The following DEPDC1 variants were observed in gnomAD, a reference collection of about 807,000 sequenced individuals.
DEPDC1 encodes DEP domain-containing protein 1A.
Under a neutral mutation model 86.8 loss-of-function variants are expected in DEPDC1, and 66 were observed. The ratio of observed to expected loss-of-function variants is 0.76; its 90% CI spans 0.62 to 0.93. The LOEUF is 0.93. DEPDC1 is among the 40% of genes least tolerant of loss of function. The probability of loss-of-function intolerance (pLI) is 0.00; values close to 1 mark genes in which losing one functional copy is unlikely to be tolerated. For missense variants in DEPDC1, 792 were observed against 935.7 expected, an observed-to-expected ratio of 0.85 and a Z score of 2.00; for synonymous variants, 255 against 314.9, an observed-to-expected ratio of 0.81 and a Z score of 2.02.
chr1:68,491,782 T>C (rs1457240363), intron 2 of DEPDC1, among the ~76,000 whole-genome samples: 2 of 152,164 alleles, frequency 1.3e-5, no homozygotes, highest in African/African-American at 2.4e-5. Flanking sequence ...TCAATTTTTT[T>C]TTCTTCTCCA....
In DEPDC1 at chr1:68,494,626, A is replaced by G. The variant is rs767207689; in HGVS notation, c.118T>C (p.Tyr40His). ...TCTCCTGCTGTGAAACAATTGCCAT[A>G]TTTTTTAAAGTGTTGTCTGTGTTTT... The part of the protein sequence containing the change: ...LRKHRQHFKK[Y>H]GNCFTAGEAV... Residue 40 changes from tyrosine (Y) to histidine (H), a missense_variant, in exon 2 of 12, where the codon TAT becomes CAT. By Grantham distance (83) the Tyr-to-His change is moderately conservative (BLOSUM62 2). Transcript: ENST00000456315. 1 of 1,613,746 alleles carries G rather than the reference A, an allele frequency of 6.2e-7. No homozygotes were observed. Among genetic ancestry groups the G allele is most frequent in the South Asian group, 1.1e-5 (1 of 91,072 alleles).
At chr1:68,483,691 T>C (rs546462642) in intron 7 of DEPDC1, among the ~76,000 whole-genome samples, 44 of 151,954 alleles carry the variant, frequency 2.9e-4, no homozygotes, top group Admixed American at 4.6e-4. Flanking sequence ...AATAAACTAA[T>C]AGTCATAGTT....
chr1:68,483,951 CA>C lies in DEPDC1; in HGVS notation c.908del (p.Leu303TrpfsTer31). ...AAAATCAGTAAAATCTATACATACC[CA>C]AAATGTTTACAAATAATTCGTAATA... ...FEYYELFVNI[L>X]VVCGYITVSD... is the part of the protein sequence containing the mutation. On this transcript the variant is annotated frameshift_variant and splice_region_variant, in exon 7 of 12. Coordinates refer to ENST00000456315, the MANE Select transcript of DEPDC1 (RefSeq NM_001114120.3). LOFTEE classifies it high-confidence loss of function. The C allele has an allele frequency of 6.7e-7, 1 of 1,495,056 alleles. No homozygotes were observed. The highest frequency in any genetic ancestry group is 2.3e-5 in the Admixed American group (1 of 44,318). 92.6% of individuals were successfully genotyped at this position (1,495,056 alleles called of 1,614,324 possible).
Position 68,475,559 on chromosome 1 carries a change from A to C in DEPDC1, c.*1373T>G, listed in dbSNP as rs980084250. ...TTTTATAGAGAAACAGTATGAAATTACATTGAGAAATGAGAACAGTCATTA... is the reference window on the plus strand; with the variant it reads ...TTTTATAGAGAAACAGTATGAAATTCCATTGAGAAATGAGAACAGTCATTA... On this transcript the variant is annotated 3_prime_UTR_variant, in exon 12 of 12. Transcript: ENST00000456315. 4.0e-5 allele frequency: 6 copies of C among 151,730 alleles called. No homozygotes were observed. Among genetic ancestry groups the C allele is most frequent in the African/African-American group, 1.5e-4 (6 of 41,280 alleles). 9.4% of individuals were successfully genotyped at this position (151,730 alleles called of 1,614,324 possible).
rs1343574912 is a variant in DEPDC1, at chr1:68,474,727, G to C, written c.*2205C>G. The C allele has an allele frequency of 6.6e-6, 1 of 151,888 alleles. No homozygotes were observed. The highest frequency in any genetic ancestry group is 1.5e-5 in the Non-Finnish European group (1 of 67,900). The allele number at this position is 151,888 out of a possible 1,614,324, so 9.4% of individuals were successfully genotyped here. A position where few individuals can be genotyped will look rare whatever the true frequency, so the allele number is the denominator to read the frequency against. The stretch of plus-strand genomic sequence containing the variant: ...ACTTAAAGATCTTTATGTTAGAATG[G>C]AATCTATCCATGTTCCAGCTTAGGC... On this transcript the variant is annotated 3_prime_UTR_variant, in exon 12 of 12. Coordinates refer to ENST00000456315, the MANE Select transcript of DEPDC1 (RefSeq NM_001114120.3).
At position 68,479,302 on chromosome 1, in the gene DEPDC1, G is replaced by T; in HGVS notation, c.1954C>A (p.Arg652=). The change falls in exon 10 of 12, where the codon CGA becomes AGA. Residue 652 remains arginine (R), a synonymous_variant. Transcript: ENST00000456315. ...TRSLMIHTFS[R]CVLCCAEEVD... ...TCTTCAGCACAGCATAACACACATC[G>T]AGAAAAGGTATGTATCATCTAGAAA... 1 of 1,601,366 alleles carries T rather than the reference G, an allele frequency of 6.2e-7. No homozygotes were observed. The highest frequency in any genetic ancestry group is 1.1e-5 in the South Asian group (1 of 88,276).
At chr1:68,479,516 T>C (rs556973518) in intron 9 of DEPDC1, among the ~76,000 whole-genome samples, 196 bp from the exon 10 acceptor site, 1 of 152,092 alleles carries the variant, frequency 6.6e-6, no homozygotes, top group East Asian at 1.9e-4. Context: ...TTAAAGTTTT[T>C]CCATGGCTGA....
At chr1:68,491,013 C>A (rs1646225706) in intron 2 of DEPDC1, among the ~76,000 whole-genome samples, 1 of 152,104 alleles carries the variant, frequency 6.6e-6, no homozygotes, top group Non-Finnish European at 1.5e-5. Flanking sequence ...CACCTTCTTA[C>A]ACCATATACA....
Position 68,484,006 on chromosome 1 carries a change from T to C in DEPDC1, c.854A>G (p.Asp285Gly), listed in dbSNP as rs765301047. 3.2e-6 allele frequency: 5 copies of C among 1,574,130 alleles called. No homozygotes were observed. The African/African-American group carries it at 4.1e-5, about 13-fold the overall frequency. Residue 285 changes from aspartate to glycine, a missense_variant, in exon 7 of 12, where the codon GAT becomes GGT. Transcript: ENST00000456315. ...VFRTIADYFL[D>G]LPEPLLTFEY... ...AAAAGTAAGTAGAGGTTCAGGGAGA[T>C]CTAGAAAATAATCTGCGATTGTTCT...
chr1:68,483,321 CT>C (rs1400063533), intron 7 of DEPDC1: 1 of 518,554 alleles, frequency 1.9e-6, no homozygotes. Flanking sequence ...TGATAGAAGT[CT>C]TTAGTTACTC....
chr1:68,481,210 A>T (rs1006360341), intron 9 of DEPDC1, among the ~76,000 whole-genome samples: 1 of 152,002 alleles, frequency 6.6e-6, no homozygotes, highest in Non-Finnish European at 1.5e-5. Context: ...ATGAATGAGC[A>T]GGCAAAGTCC....
chr1:68,493,754 C>T (rs939157298), intron 2 of DEPDC1, among the ~76,000 whole-genome samples: 2 of 152,146 alleles, frequency 1.3e-5, no homozygotes, highest in Non-Finnish European at 2.9e-5. Flanking sequence ...CTTGCTCTGT[C>T]GCCCAAGCTG....
intron 9 of DEPDC1, 36 bp from the exon 10 acceptor site, chr1:68,479,356 T>G (rs1458318135): frequency 6.8e-7 from 1 of 1,468,874 alleles, no homozygotes; most frequent in Non-Finnish European, 9.2e-7. Context: ...TTTAAAAAGC[T>G]AAGGTTGCAT....
intron 5 of DEPDC1, 88 bp from the exon 6 acceptor site, chr1:68,487,072 A>ATGTG: frequency 8.3e-7 from 1 of 1,203,768 alleles, no homozygotes; most frequent in Non-Finnish European, 1.2e-6. Context: ...GCAATTATAT[A>ATGTG]TATGTATATA....
rs1295156721 is a variant in DEPDC1, at chr1:68,482,146, T to G, written c.1662A>C (p.Gly554=). Residue 554 remains glycine, a synonymous_variant, in exon 8 of 12, where the codon GGA becomes GGC. Coordinates refer to ENST00000456315, the MANE Select transcript of DEPDC1 (RefSeq NM_001114120.3). ...SVQTAMESEL[G]ESSATINKRL... ...TTTTATTGATTGTGGCACTAGACTC[T>G]CCGAGTTCACTTTCCATAGCTGTTT... The G allele has an allele frequency of 6.2e-7, 1 of 1,612,816 alleles. No individual in the cohort carries two copies. The highest frequency in any genetic ancestry group is 8.5e-7 in the Non-Finnish European group (1 of 1,179,212).
In DEPDC1 at chr1:68,482,722, A is replaced by G. The variant is rs765919748; in HGVS notation, c.1086T>C (p.Thr362=). Residue 362 remains threonine, a synonymous_variant, in exon 8 of 12, where the codon ACT becomes ACC. Coordinates refer to ENST00000456315, the MANE Select transcript of DEPDC1 (RefSeq NM_001114120.3). The stretch of plus-strand genomic sequence containing the variant: ...CTGGATTGCTTATCTGTAGTCTCTC[A>G]GTAGAATCTGATTCTTCTTTGTTTT... ...REKNKEESDS[T]ERLQISNPGF... 2.5e-6 allele frequency: 4 copies of G among 1,612,612 alleles called. No individual in the cohort carries two copies. In the East Asian group the frequency reaches 6.7e-5, roughly 27 times the overall value.
In DEPDC1 at chr1:68,482,947, A is replaced by C. The variant is rs1196454671; in HGVS notation, c.911-50T>G. 4 of 1,512,802 alleles carry C rather than the reference A, an allele frequency of 2.6e-6. No individual in the cohort carries two copies. In the African/African-American group the frequency reaches 5.6e-5, roughly 21 times the overall value. The allele number at this position is 1,512,802 out of a possible 1,614,324, so 93.7% of individuals were successfully genotyped here. On this transcript the variant is annotated intron_variant, in intron 7 of 11. Transcript: ENST00000456315. ...AAGATGCAACTGTATGACAGTGGAC[A>C]AAAATAAAACAAAAACAATAGTAAA...
chr1:68,488,893 A>C (rs781430597), intron 4 of DEPDC1, 23 bp downstream of exon 4: 1 of 1,393,690 alleles, frequency 7.2e-7, no homozygotes, highest in South Asian at 1.2e-5. Flanking sequence ...CAGGAACTTC[A>C]TTAAAGCTTA....
chr1:68,479,193 T>C lies in DEPDC1; in HGVS notation c.2063A>G (p.Tyr688Cys), dbSNP rs756665269. ...HHQEILQVPS[Y>C]LQTAVEKHLD... ...ATGTTTTTCCACTGCAGTCTGTAAG[T>C]AAGAGGGTACTTGAAGAATTTCCTG... is the stretch of plus-strand genomic sequence containing the variant. The change falls in exon 10 of 12, where the codon TAC becomes TGC. Residue 688 changes from tyrosine to cysteine, a missense_variant. Physicochemically the swap from Tyr to Cys is radical, Grantham distance 194. Transcript: ENST00000456315. The C allele has an allele frequency of 6.2e-7, 1 of 1,611,968 alleles. No homozygotes were observed. The highest frequency in any genetic ancestry group is 8.5e-7 in the Non-Finnish European group (1 of 1,179,226).
Sources: gnomAD v4.1 joint callset for allele counts (sites outside exome capture counted in the v4.1 genomes callset) on GRCh38, gnomAD v4.1.1 for gene constraint, MANE v1.5 for transcripts, NCBI Gene and HGNC (gene_info 2026-07-23, HGNC 2026-07-21) for gene names.